IFT52: variants seen among roughly 807,000 people sequenced by gnomAD.
The protein encoded by IFT52 is intraflagellar transport 52, also known as intraflagellar transport protein 52 homolog.
Under a neutral mutation model 54.4 loss-of-function variants are expected in IFT52, and 44 were observed. That is an observed-to-expected ratio of 0.81 (90% CI 0.63 to 1.04). The LOEUF (loss-of-function observed/expected upper bound fraction) is 1.04, where lower values mean the gene tolerates loss of function less well. Ranked by LOEUF, IFT52 falls within the 50% of genes least tolerant of loss-of-function variation. IFT52 has a pLI of 0.00. For synonymous variants in IFT52, 181 were observed against 185.3 expected, an observed-to-expected ratio of 0.98 and a Z score of 0.19; for missense variants, 452 against 523.6, an observed-to-expected ratio of 0.86 and a Z score of 1.33.
In IFT52 at chr20:43,594,732, A is replaced by T. The variant is rs1981795690; in HGVS notation, c.34A>T (p.Asn12Tyr). 1.2e-6 allele frequency: 2 copies of T among 1,612,262 alleles called. No individual in the cohort carries two copies. The highest frequency in any genetic ancestry group is 4.5e-5 in the East Asian group (2 of 44,864). ...AGAGCTGCGGAGCACCATTCTTTTCAATGCCTACAAAAAGGAGATATTTAC... is the reference window on the plus strand; with the variant it reads ...AGAGCTGCGGAGCACCATTCTTTTCTATGCCTACAAAAAGGAGATATTTAC... ...EKELRSTILF[N>Y]AYKKEIFTTN... Residue 12 changes from asparagine to tyrosine, a missense_variant, in exon 2 of 14, where the codon AAT becomes TAT. Transcript: ENST00000373030.
At chr20:43,605,151 GTTTC>G in intron 6 of IFT52, 78 bp downstream of exon 6, 1 of 1,566,774 alleles carries the variant, frequency 6.4e-7, no homozygotes, top group Non-Finnish European at 8.6e-7. Flanking sequence ...AAGAGCTTTT[GTTTC>G]TGGTTACAAA....
intron 12 of IFT52, among the ~76,000 whole-genome samples, chr20:43,641,773 C>T (rs554731469): frequency 4.6e-5 from 7 of 152,188 alleles, no homozygotes; most frequent in Admixed American, 2.0e-4. Flanking sequence ...GGATTACAGG[C>T]GTGAGCCTTC....
At chr20:43,637,074 T>C (rs915040809) in intron 11 of IFT52, 71 bp from the exon 12 acceptor site, 11 of 1,084,678 alleles carry the variant, frequency 1.0e-5, no homozygotes, top group Non-Finnish European at 1.5e-5. Flanking sequence ...GGACAAGCTC[T>C]TTCTTGAGAG....
intron 1 of IFT52, 46 bp from the exon 2 acceptor site, chr20:43,594,647 T>A: frequency 9.5e-7 from 1 of 1,053,400 alleles, no homozygotes; most frequent in Non-Finnish European, 1.5e-6. Context: ...TTAGGGTCTT[T>A]GGAATATTGT....
intron 6 of IFT52, among the ~76,000 whole-genome samples, chr20:43,610,390 G>C (rs1054140013): frequency 6.6e-6 from 1 of 152,064 alleles, no homozygotes; most frequent in Non-Finnish European, 1.5e-5. Flanking sequence ...AGTCATAAGG[G>C]GGAATATGTA....
intron 8 of IFT52, 126 bp from the exon 9 acceptor site, chr20:43,620,731 C>G: frequency 1.5e-6 from 1 of 682,690 alleles, no homozygotes. Flanking sequence ...GCTGGCTACC[C>G]TTTTCTGAAT....
chr20:43,617,056 A>G (rs1254662949), intron 7 of IFT52, among the ~76,000 whole-genome samples: 1 of 152,076 alleles, frequency 6.6e-6, no homozygotes, highest in East Asian at 1.9e-4. Flanking sequence ...TTTTAACCGA[A>G]TGATGTGTTG....
In IFT52 at chr20:43,642,597, A is replaced by G; in HGVS notation, c.1239A>G (p.Gln413=). Residue 413 remains glutamine, a synonymous_variant, in exon 13 of 14, where the codon CAA becomes CAG. Transcript: ENST00000373030. ...ATATCCTTGAGCACGTCTTCTTCCA[A>G]GTGGTGGAGTTCAAGAAATTGAACC... ...AKHILEHVFF[Q]VVEFKKLNQE... The G allele has an allele frequency of 6.2e-7, 1 of 1,614,156 alleles. No individual in the cohort carries two copies. The highest frequency in any genetic ancestry group is 2.2e-5 in the East Asian group (1 of 44,874).
intron 8 of IFT52, among the ~76,000 whole-genome samples, chr20:43,619,898 C>G (rs1984146086): frequency 7.4e-6 from 1 of 135,498 alleles, no homozygotes; most frequent in African/African-American, 2.7e-5. Flanking sequence ...TATGGGAGAT[C>G]TAGATATTCT....
chr20:43,639,600 T>C (rs1428765292), intron 12 of IFT52, among the ~76,000 whole-genome samples: 1 of 151,628 alleles, frequency 6.6e-6, no homozygotes, highest in Non-Finnish European at 1.5e-5. Context: ...AACCCAGGAG[T>C]TGGAAGTTGC....
rs1247412159 is a variant in IFT52 at position 43,603,631 on chromosome 20, T to A, written c.208-129T>A. 4 of 788,196 alleles carry A rather than the reference T, an allele frequency of 5.1e-6. No homozygotes were observed. The African/African-American group carries it at 7.1e-5, about 14-fold the overall frequency. The allele number at this position is 788,196 out of a possible 1,614,324, so 48.8% of individuals were successfully genotyped here. The stretch of plus-strand genomic sequence containing the variant: ...TACATAGAGAGTACTTTTTATCTTA[T>A]ATACATTTATATGTAAATGCCTTAT... On this transcript the variant is annotated intron_variant, in intron 3 of 13. Transcript: ENST00000373030.
At position 43,604,201 on chromosome 20, in the gene IFT52, T is replaced by C. The variant is rs763335746; in HGVS notation, c.356T>C (p.Val119Ala). Residue 119 changes from valine to alanine, a missense_variant, in exon 5 of 14, where the codon GTA becomes GCA. By Grantham distance (64) the Val-to-Ala change is moderately conservative (BLOSUM62 0). Coordinates refer to ENST00000373030, the MANE Select transcript of IFT52 (RefSeq NM_016004.5). Reference protein sequence around the residue: ...MVNNDAVVRNVYHKYFHPKEA... With the variant: ...MVNNDAVVRNAYHKYFHPKEA... ...CTCATAGATGCTGTGGTTAGAAATGTATATCACAAATATTTCCATCCTAAA... is the reference window on the plus strand; with the variant it reads ...CTCATAGATGCTGTGGTTAGAAATGCATATCACAAATATTTCCATCCTAAA... The C allele has an allele frequency of 4.4e-6, 7 of 1,608,980 alleles. No homozygotes were observed. Among genetic ancestry groups the C allele is most frequent in the Middle Eastern group, 3.3e-4 (2 of 6,068 alleles).
At chr20:43,620,814 A>G (rs760384960) in intron 8 of IFT52, 43 bp from the exon 9 acceptor site, 14 of 1,434,266 alleles carry the variant, frequency 9.8e-6, no homozygotes, top group African/African-American at 2.9e-5. Context: ...AGCTTTTTCA[A>G]ATAACCAACT....
rs763250759 is a variant in IFT52, at chr20:43,634,227, AG to A, written c.924-1698del. On this transcript the variant is annotated intron_variant, in intron 10 of 13. Coordinates refer to ENST00000373030, the MANE Select transcript of IFT52 (RefSeq NM_016004.5). The stretch of plus-strand genomic sequence containing the variant: ...TTGTGCATAAATGAAAAAAAAAAAT[AG>A]AAGAAGAAGAAAAAAGATAAAGCAC... 9.6e-3 allele frequency among the ~76,000 whole-genome samples: 1,446 copies of A among 150,276 alleles called. 13 individuals carry two copies. The highest frequency in any genetic ancestry group is 0.013 in the Non-Finnish European group (873 of 67,630).
chr20:43,604,018 C>G, intron 4 of IFT52, 129 bp downstream of exon 4: 1 of 918,028 alleles, frequency 1.1e-6, no homozygotes, highest in East Asian at 2.6e-5. Flanking sequence ...ATGTTCCATT[C>G]TCATCAGCAG....
intron 6 of IFT52, among the ~76,000 whole-genome samples, chr20:43,608,043 C>T: frequency 1.6e-5 from 1 of 63,364 alleles, no homozygotes; most frequent in African/African-American, 4.5e-5. Flanking sequence ...AGGCACTCGG[C>T]AGGCTGAGGC....
Position 43,604,520 on chromosome 20 carries a change from G to T in IFT52, c.413+262G>T, listed in dbSNP as rs528890711. On this transcript the variant is annotated intron_variant, in intron 5 of 13. Coordinates refer to ENST00000373030, the MANE Select transcript of IFT52 (RefSeq NM_016004.5). ...GAGCCCGGGAAGCAGAGGTTGCATT[G>T]AGCTGAGATTGCACCATTGTACTCT... Among the ~76,000 whole-genome samples, 3 of 152,214 alleles carry T rather than the reference G, an allele frequency of 2.0e-5. No homozygotes were observed. The East Asian group carries it at 5.8e-4, about 29-fold the overall frequency.
intron 12 of IFT52, among the ~76,000 whole-genome samples, chr20:43,638,490 C>A (rs1985698316): frequency 6.6e-6 from 1 of 152,150 alleles, no homozygotes; most frequent in Non-Finnish European, 1.5e-5. Flanking sequence ...CACGTCCGGC[C>A]AACTTCTACA....
intron 6 of IFT52, 47 bp from the exon 7 acceptor site, chr20:43,613,803 G>A (rs372532772): frequency 2.6e-6 from 4 of 1,560,112 alleles, no homozygotes; most frequent in African/African-American, 2.7e-5. Flanking sequence ...CAGAATTTTT[G>A]TATTCATGTT....
Sources: allele counts gnomAD v4.1 joint callset (sites outside exome capture counted in the v4.1 genomes callset), GRCh38; gene constraint gnomAD v4.1.1; transcripts MANE v1.5; gene names NCBI Gene and HGNC (gene_info 2026-07-23, HGNC 2026-07-21).